Variants in ZBTB16 observed in about 807,000 individuals in gnomAD.
The protein encoded by ZBTB16 is zinc finger and BTB domain-containing protein 16.
In ZBTB16, 8 loss-of-function variants were observed where a neutral mutation model predicts 56.8. The observed-to-expected ratio is 0.14, with a 90% CI of 0.08 to 0.25. The LOEUF is 0.25. ZBTB16 is among the 10% of genes least tolerant of loss of function. The pLI, the probability that ZBTB16 is intolerant of heterozygous loss-of-function variation, is 1.00. For synonymous variants in ZBTB16, 363 were observed against 368.5 expected (o/e 0.98, Z 0.17); for missense variants, 625 against 903.0 (o/e 0.69, Z 3.95).
At chr11:114,081,613 G>A (rs1229241037) in intron 2 of ZBTB16, among the ~76,000 whole-genome samples, 1 of 152,134 alleles carries the variant, frequency 6.6e-6, no homozygotes, top group African/African-American at 2.4e-5. Context: ...TTCCTAATGG[G>A]GAAGAAAGAT....
Position 114,247,750 on chromosome 11 carries a change from G to GT in ZBTB16, c.1792+387dup, listed in dbSNP as rs571753935. On this transcript the variant is annotated intron_variant, in intron 6 of 6. Transcript: ENST00000335953. ...TAGGGTAATTTCATGTTACTCAAGG[G>GT]TTAGAGTAAGAATTAGGATACATTG... Among the ~76,000 whole-genome samples the GT allele has an allele frequency of 6.8e-4, 104 of 152,290 alleles. 1 individual carries two copies. The South Asian group carries it at 0.021, about 30-fold the overall frequency.
rs1939059328 is a variant in ZBTB16, at chr11:114,064,998, T to C, written c.1268+430T>C. On this transcript the variant is annotated intron_variant, in intron 2 of 6. Transcript: ENST00000335953. This position sits in a 1 kb window ranked among gnomAD's most constrained non-coding sequence, Gnocchi z 4.2. ...CCTCGGGTTCCCATGCAGTGGTCCC[T>C]GTGAAGACAGCCTGTCCCTTTCTGC... Among the ~76,000 whole-genome samples the C allele has an allele frequency of 6.6e-6, 1 of 152,168 alleles. No individual in the cohort carries two copies. The highest frequency in any genetic ancestry group is 2.4e-5 in the African/African-American group (1 of 41,440).
At chr11:114,127,453 C>A (rs1477936894) in intron 2 of ZBTB16, among the ~76,000 whole-genome samples, 1 of 152,162 alleles carries the variant, frequency 6.6e-6, no homozygotes, top group Non-Finnish European at 1.5e-5. Context: ...AGTTAGAGAA[C>A]CACTGTAATG....
chr11:114,181,992 G>A (rs1296137513), intron 3 of ZBTB16, among the ~76,000 whole-genome samples: 1 of 152,074 alleles, frequency 6.6e-6, no homozygotes, highest in African/African-American at 2.4e-5. Flanking sequence ...CCCTGACTAC[G>A]CTGTGTAAAA....
chr11:114,069,125 T>G (rs1242457514), intron 2 of ZBTB16, among the ~76,000 whole-genome samples: 1 of 152,112 alleles, frequency 6.6e-6, no homozygotes, highest in Non-Finnish European at 1.5e-5. Flanking sequence ...TCGCTCTGTC[T>G]CCCAGGCTGG....
chr11:114,153,887 C>T (rs1294257203), intron 2 of ZBTB16, among the ~76,000 whole-genome samples: 1 of 152,188 alleles, frequency 6.6e-6, no homozygotes, highest in South Asian at 2.1e-4. Flanking sequence ...CATGACTTGT[C>T]CAAGGTTAAT....
intron 2 of ZBTB16, among the ~76,000 whole-genome samples, chr11:114,077,380 C>T (rs1317916535): frequency 6.6e-6 from 1 of 152,172 alleles, no homozygotes; most frequent in African/African-American, 2.4e-5. Context: ...CAGGCCACCT[C>T]CCGCCTCTTT....
chr11:114,155,897 G>A (rs1467667183), intron 2 of ZBTB16, among the ~76,000 whole-genome samples: 1 of 152,150 alleles, frequency 6.6e-6, no homozygotes, highest in Non-Finnish European at 1.5e-5. Context: ...AAAAGATACA[G>A]GTGTAGCCCT....
In ZBTB16 at chr11:114,060,998, C is replaced by T. The variant is rs561637361; in HGVS notation, c.-91+1116C>T. On this transcript the variant is annotated intron_variant, in intron 1 of 6. Transcript: ENST00000335953. The surrounding 1 kb of genome is among the most constrained non-coding windows in gnomAD (Gnocchi z 6.0). ...CGCTCTCGCCGCGGAGTCCAGCCCG[C>T]CCGGACTGTCGCCGTTCCTCCCCGT... 6.6e-6 allele frequency among the ~76,000 whole-genome samples: 1 copy of T among 152,330 alleles called. No homozygotes were observed. The highest frequency in any genetic ancestry group is 1.5e-5 in the Non-Finnish European group (1 of 68,022).
intron 2 of ZBTB16, among the ~76,000 whole-genome samples, chr11:114,091,846 C>G (rs746493701): frequency 2.0e-4 from 30 of 152,108 alleles, no homozygotes; most frequent in Non-Finnish European, 3.5e-4. Flanking sequence ...TCTCCTAAGC[C>G]GGTCAAGCAG....
chr11:114,060,775 C>G lies in ZBTB16; in HGVS notation c.-91+893C>G, dbSNP rs1054802532. On this transcript the variant is annotated intron_variant, in intron 1 of 6. Coordinates refer to ENST00000335953, the MANE Select transcript of ZBTB16 (RefSeq NM_006006.6). This position sits in a 1 kb window ranked among gnomAD's most constrained non-coding sequence, Gnocchi z 6.0. ...TCGCTCGCCGCCTCCCCGAGACGCT[C>G]GCACCGTGCTTGGGCCGGGCGCGCT... is the stretch of plus-strand genomic sequence containing the variant. Among the ~76,000 whole-genome samples the G allele has an allele frequency of 2.6e-5, 4 of 152,062 alleles. No homozygotes were observed. Among genetic ancestry groups the G allele is most frequent in the African/African-American group, 9.7e-5 (4 of 41,428 alleles).
At chr11:114,224,800 A>G (rs1467992580) in intron 4 of ZBTB16, among the ~76,000 whole-genome samples, 1 of 152,186 alleles carries the variant, frequency 6.6e-6, no homozygotes, top group Non-Finnish European at 1.5e-5. Context: ...TTTCAAAAAG[A>G]AAAAAGCAGT....
At chr11:114,149,169 C>T (rs1311896956) in intron 2 of ZBTB16, among the ~76,000 whole-genome samples, 1 of 152,118 alleles carries the variant, frequency 6.6e-6, no homozygotes, top group Admixed American at 6.5e-5. Context: ...CTAGCTCAAC[C>T]TTTGCATTGT....
At chr11:114,227,224 C>G (rs1411292541) in intron 4 of ZBTB16, among the ~76,000 whole-genome samples, 1 of 152,136 alleles carries the variant, frequency 6.6e-6, no homozygotes, top group East Asian at 1.9e-4. Context: ...AAGACAGTGG[C>G]CCATCACCCC....
chr11:114,132,846 G>A (rs112878862), intron 2 of ZBTB16, among the ~76,000 whole-genome samples: 6 of 152,134 alleles, frequency 3.9e-5, no homozygotes, highest in South Asian at 2.1e-4. Context: ...GGTCTTTCTT[G>A]TTACAGTATA....
rs1938747197 is a variant in ZBTB16, at chr11:114,059,759, G to C, written c.-214G>C. The C allele has an allele frequency of 2.5e-6, 1 of 398,290 alleles. No individual in the cohort carries two copies. Among genetic ancestry groups the C allele is most frequent in the African/African-American group, 2.1e-5 (1 of 48,610 alleles). The allele number at this position is 398,290 out of a possible 1,614,324, so 24.7% of individuals were successfully genotyped here. A position where few individuals can be genotyped will look rare whatever the true frequency, so the allele number is the denominator to read the frequency against. On this transcript the variant is annotated 5_prime_UTR_variant, in exon 1 of 7. Coordinates refer to ENST00000335953, the MANE Select transcript of ZBTB16 (RefSeq NM_006006.6). The surrounding 1 kb of genome is among the most constrained non-coding windows in gnomAD (Gnocchi z 5.3). ...GAGAGCGGGTACTGCGAACTGCCGGGCGATGCTGTCGCTGCCGCCGTGATA... is the reference window on the plus strand; with the variant it reads ...GAGAGCGGGTACTGCGAACTGCCGGCCGATGCTGTCGCTGCCGCCGTGATA...
At chr11:114,158,413 G>A (rs1166128181) in intron 3 of ZBTB16, among the ~76,000 whole-genome samples, 1 of 151,962 alleles carries the variant, frequency 6.6e-6, no homozygotes, top group Admixed American at 6.6e-5. Context: ...CTGTCTACTT[G>A]GAATAACCCA....
intron 2 of ZBTB16, among the ~76,000 whole-genome samples, chr11:114,152,603 A>G (rs1942304671): frequency 6.6e-6 from 1 of 152,168 alleles, no homozygotes; most frequent in Non-Finnish European, 1.5e-5. Flanking sequence ...GTTCCCCAGG[A>G]ATGGAGAGTG....
chr11:114,148,967 T>C (rs1186151259), intron 2 of ZBTB16, among the ~76,000 whole-genome samples: 2 of 152,062 alleles, frequency 1.3e-5, no homozygotes, highest in African/African-American at 2.4e-5. Context: ...TCCGATTCTC[T>C]TTCTTGTTTG....
Sources: allele counts gnomAD v4.1 joint callset (sites outside exome capture counted in the v4.1 genomes callset), GRCh38; gene constraint gnomAD v4.1.1; non-coding constraint Gnocchi (gnomAD v3.1); transcripts MANE v1.5; gene names NCBI Gene and HGNC (gene_info 2026-07-23, HGNC 2026-07-21).